SH3GL2: variants seen among roughly 807,000 people sequenced by gnomAD.
SH3GL2 encodes the protein SH3 domain containing GRB2 like 2, endophilin A1, also known as endophilin-A1.
A neutral mutation model predicts 46.0 loss-of-function variants in SH3GL2; 24 were observed. The ratio of observed to expected loss-of-function variants is 0.52; its 90% CI spans 0.38 to 0.73. The LOEUF is 0.73. Ranked by LOEUF, SH3GL2 falls within the 30% of genes least tolerant of loss-of-function variation. The pLI, the probability that SH3GL2 is intolerant of heterozygous loss-of-function variation, is 0.00. For synonymous variants in SH3GL2, 196 were observed against 147.1 expected (o/e 1.33, Z -2.40); for missense variants, 413 against 424.2 (o/e 0.97, Z 0.23).
chr9:17,765,998 A>G (rs1470335867), intron 3 of SH3GL2, among the ~76,000 whole-genome samples: 1 of 152,224 alleles, frequency 6.6e-6, no homozygotes, highest in Non-Finnish European at 1.5e-5. Flanking sequence ...AAATCATCAG[A>G]TACTCATATG....
At chr9:17,764,009 G>T (rs1018558207) in intron 3 of SH3GL2, among the ~76,000 whole-genome samples, 1 of 152,170 alleles carries the variant, frequency 6.6e-6, no homozygotes, top group Admixed American at 6.5e-5. Flanking sequence ...AGGTAATTGA[G>T]AAGATCTGAA....
At chr9:17,688,262 A>G (rs1243551197) in intron 1 of SH3GL2, among the ~76,000 whole-genome samples, 1 of 152,078 alleles carries the variant, frequency 6.6e-6, no homozygotes, top group African/African-American at 2.4e-5. Context: ...CCAAATTTTC[A>G]ACCACTGGAA....
At chr9:17,710,131 T>A (rs1489298863) in intron 1 of SH3GL2, among the ~76,000 whole-genome samples, 2 of 151,964 alleles carry the variant, frequency 1.3e-5, no homozygotes, top group Non-Finnish European at 2.9e-5. Flanking sequence ...AAATCTCATC[T>A]TGAATTGTAG....
At chr9:17,607,521 A>G (rs1330200276) in intron 1 of SH3GL2, among the ~76,000 whole-genome samples, 1 of 152,158 alleles carries the variant, frequency 6.6e-6, no homozygotes. Flanking sequence ...AGGTCTTATA[A>G]TCTTACAGGA....
intron 1 of SH3GL2, among the ~76,000 whole-genome samples, chr9:17,586,638 C>A (rs73418621): frequency 0.014 from 2,070 of 152,182 alleles, 44 homozygotes; most frequent in African/African-American, 0.048. Flanking sequence ...CAAAAATGTC[C>A]TTCACATGAC....
intron 2 of SH3GL2, among the ~76,000 whole-genome samples, chr9:17,757,096 A>G (rs541345270): frequency 6.6e-5 from 10 of 152,242 alleles, no homozygotes; most frequent in African/African-American, 2.4e-4. Flanking sequence ...GCATTTTTCC[A>G]TATGTCTGTT....
chr9:17,609,216 G>T (rs1818816004), intron 1 of SH3GL2, among the ~76,000 whole-genome samples: 1 of 152,044 alleles, frequency 6.6e-6, no homozygotes, highest in Admixed American at 6.5e-5. Context: ...GCAGAGATGT[G>T]ATAGCTTGCC....
chr9:17,587,434 T>C (rs1818400062), intron 1 of SH3GL2, among the ~76,000 whole-genome samples: 1 of 152,184 alleles, frequency 6.6e-6, no homozygotes, highest in East Asian at 1.9e-4. Context: ...TTTGGCCAGG[T>C]CTAAGGAGGG....
chr9:17,758,072 C>A (rs902685977), intron 2 of SH3GL2, among the ~76,000 whole-genome samples: 2 of 152,120 alleles, frequency 1.3e-5, no homozygotes, highest in Non-Finnish European at 2.9e-5. Flanking sequence ...CCATTCAGTT[C>A]TTCTGGTACT....
intron 1 of SH3GL2, among the ~76,000 whole-genome samples, chr9:17,710,942 A>G (rs1488320847): frequency 6.6e-6 from 1 of 151,968 alleles, no homozygotes; most frequent in Admixed American, 6.6e-5. Flanking sequence ...CTAAAGTAGA[A>G]CAATTATAAC....
At chr9:17,601,443 G>A (rs1818670919) in intron 1 of SH3GL2, among the ~76,000 whole-genome samples, 1 of 152,144 alleles carries the variant, frequency 6.6e-6, no homozygotes, top group African/African-American at 2.4e-5. Context: ...ATGAAGGCTG[G>A]ATTAACTGTG....
chr9:17,728,397 G>C (rs1258979324), intron 1 of SH3GL2, among the ~76,000 whole-genome samples: 2 of 151,996 alleles, frequency 1.3e-5, no homozygotes, highest in Non-Finnish European at 2.9e-5. Flanking sequence ...CAGCAGAATG[G>C]TGGTGGTATC....
At chr9:17,600,919 T>G (rs1436491446) in intron 1 of SH3GL2, among the ~76,000 whole-genome samples, 1 of 152,198 alleles carries the variant, frequency 6.6e-6, no homozygotes, top group East Asian at 1.9e-4. Context: ...ATGGCAACCT[T>G]AATGAATTTT....
At chr9:17,664,017 C>G (rs75250239) in intron 1 of SH3GL2, among the ~76,000 whole-genome samples, 1 of 151,906 alleles carries the variant, frequency 6.6e-6, no homozygotes, top group Non-Finnish European at 1.5e-5. Flanking sequence ...AATACTGAAA[C>G]GTAAAAATGT....
chr9:17,657,377 C>A (rs923663222), intron 1 of SH3GL2, among the ~76,000 whole-genome samples: 1 of 152,170 alleles, frequency 6.6e-6, no homozygotes, highest in Admixed American at 6.5e-5. Flanking sequence ...GGCAGGTTGT[C>A]TTCTAGGTCA....
intron 1 of SH3GL2, among the ~76,000 whole-genome samples, chr9:17,588,692 C>T (rs536549653): frequency 5.7e-4 from 87 of 152,184 alleles, no homozygotes; most frequent in Non-Finnish European, 1.1e-3. Flanking sequence ...CCCAGTCTAG[C>T]CAACGCCTTC....
intron 1 of SH3GL2, among the ~76,000 whole-genome samples, chr9:17,661,595 A>G (rs1820216756): frequency 6.6e-6 from 1 of 152,214 alleles, no homozygotes; most frequent in African/African-American, 2.4e-5. Context: ...TATTTAAATA[A>G]GCAACTTTTC....
chr9:17,697,246 C>T (rs551558122), intron 1 of SH3GL2, among the ~76,000 whole-genome samples: 14 of 149,238 alleles, frequency 9.4e-5, no homozygotes, highest in South Asian at 6.4e-4. Context: ...TTTTTTAAGG[C>T]GGAGTCTCAC....
intron 3 of SH3GL2, among the ~76,000 whole-genome samples, chr9:17,771,605 G>C (rs923763508): frequency 2.0e-5 from 3 of 152,228 alleles, no homozygotes; most frequent in African/African-American, 7.2e-5. Flanking sequence ...TTCACAAACT[G>C]TTTTATGCCC....
Sources: gnomAD v4.1 joint callset for allele counts (sites outside exome capture counted in the v4.1 genomes callset) on GRCh38, gnomAD v4.1.1 for gene constraint, MANE v1.5 for transcripts, NCBI Gene and HGNC (gene_info 2026-07-23, HGNC 2026-07-21) for gene names.